EYS: variants seen among roughly 807,000 people sequenced by gnomAD.
EYS encodes the protein EGF-like photoreceptor maintenance factor, also known as protein eyes shut homolog.
In EYS, 250 loss-of-function variants were observed where a neutral mutation model predicts 282.1. The ratio of observed to expected loss-of-function variants is 0.89; its 90% CI spans 0.80 to 0.98. The LOEUF (loss-of-function observed/expected upper bound fraction) is 0.98, where lower values mean the gene tolerates loss of function less well. Among genes scored for constraint, EYS ranks in the 50% least tolerant of loss-of-function variants. EYS has a pLI of 0.00. For synonymous variants in EYS, 1,355 were observed against 1,282.9 expected (o/e 1.06, Z -1.20); for missense variants, 4,016 against 3,709.0 (o/e 1.08, Z -2.15).
At chr6:65,275,655 T>G (rs1768025097) in intron 12 of EYS, among the ~76,000 whole-genome samples, 1 of 152,130 alleles carries the variant, frequency 6.6e-6, no homozygotes, top group Non-Finnish European at 1.5e-5. Flanking sequence ...CATGGGCTGT[T>G]TCTGTAGCCA....
rs145422550 is a variant in EYS at position 63,873,530 on chromosome 6, G to A, written c.7056-9172C>T. Among the ~76,000 whole-genome samples the A allele has an allele frequency of 4.0e-4, 61 of 152,264 alleles. 1 individual carries two copies. In the East Asian group the frequency reaches 8.5e-3, roughly 21 times the overall value. On this transcript the variant is annotated intron_variant, in intron 35 of 42. Coordinates refer to ENST00000503581, the MANE Select transcript of EYS (RefSeq NM_001142800.2). ...TGGATATATGCCCAGTAATGGGATC[G>A]TTGGGTCAAATGGGATTTCTAGTTC... is the stretch of plus-strand genomic sequence containing the variant.
Position 63,790,965 on chromosome 6 carries a change from AC to A in EYS, c.7412-1742del, listed in dbSNP as rs555917072. On this transcript the variant is annotated intron_variant, in intron 37 of 42. Transcript: ENST00000503581. ...GCTCTCCTTCCTCCAGTTATGGAGA[AC>A]CCATTTCATGCCAGGAGCATCATTA... 7.4e-4 allele frequency among the ~76,000 whole-genome samples: 112 copies of A among 152,278 alleles called. 1 individual carries two copies. In the South Asian group the frequency reaches 0.023, roughly 31 times the overall value.
intron 2 of EYS, among the ~76,000 whole-genome samples, chr6:65,572,239 A>G (rs1764503653): frequency 6.6e-6 from 1 of 152,128 alleles, no homozygotes; most frequent in African/African-American, 2.4e-5. Flanking sequence ...ACGGAGATAC[A>G]AATTTATATA....
chr6:64,765,807 C>A (rs1773309272), intron 22 of EYS, among the ~76,000 whole-genome samples: 1 of 152,038 alleles, frequency 6.6e-6, no homozygotes, highest in Non-Finnish European at 1.5e-5. Flanking sequence ...CCCCCATGAT[C>A]CAATCACCTC....
At position 65,274,833 on chromosome 6, in the gene EYS, T is replaced by G. The variant is rs150609377; in HGVS notation, c.2023+21030A>C. On this transcript the variant is annotated intron_variant, in intron 12 of 42. Coordinates refer to ENST00000503581, the MANE Select transcript of EYS (RefSeq NM_001142800.2). ...ACTCAGTAACATTTCTAGGGGTCCA[T>G]AGGTCCTGTCAAGATATCATTTCTG... 4.5e-4 allele frequency among the ~76,000 whole-genome samples: 68 copies of G among 152,042 alleles called. No homozygotes were observed. In the East Asian group the frequency reaches 0.012, roughly 27 times the overall value.
At chr6:64,313,562 A>C (rs1251834454) in intron 29 of EYS, among the ~76,000 whole-genome samples, 1 of 152,132 alleles carries the variant, frequency 6.6e-6, no homozygotes, top group Non-Finnish European at 1.5e-5. Context: ...GAGAAGAGCA[A>C]ACCCAAGACA....
At chr6:65,292,644 AAT>A (rs1366004336) in intron 12 of EYS, among the ~76,000 whole-genome samples, 8 of 151,750 alleles carry the variant, frequency 5.3e-5, no homozygotes, top group African/African-American at 1.9e-4. Context: ...AACCTGAAGG[AAT>A]ATAGTACAAC....
intron 31 of EYS, among the ~76,000 whole-genome samples, chr6:64,101,135 G>A (rs887468574): frequency 6.6e-6 from 1 of 152,038 alleles, no homozygotes; most frequent in African/African-American, 2.4e-5. Context: ...TGGAACTGTG[G>A]AAATGACATT....
At chr6:64,585,769 T>G (rs1766215689) in intron 26 of EYS, among the ~76,000 whole-genome samples, 1 of 152,134 alleles carries the variant, frequency 6.6e-6, no homozygotes, top group South Asian at 2.1e-4. Flanking sequence ...ATTCTCTTAT[T>G]GCCCTTTCTA....
chr6:64,764,670 T>C (rs1482114901), intron 22 of EYS, among the ~76,000 whole-genome samples: 1 of 152,180 alleles, frequency 6.6e-6, no homozygotes, highest in Admixed American at 6.5e-5. Context: ...GGAAATGGGG[T>C]TTTCTTTTCT....
intron 14 of EYS, among the ~76,000 whole-genome samples, chr6:64,997,220 T>C (rs904502071): frequency 1.3e-5 from 2 of 152,148 alleles, no homozygotes; most frequent in Non-Finnish European, 2.9e-5. Flanking sequence ...AATACATGTG[T>C]GAATGTAATA....
intron 2 of EYS, among the ~76,000 whole-genome samples, chr6:65,604,140 T>G (rs991373023): frequency 6.6e-6 from 1 of 151,942 alleles, no homozygotes; most frequent in Non-Finnish European, 1.5e-5. Flanking sequence ...CTTACATAGT[T>G]TGGTTGGAAT....
chr6:64,161,554 T>C (rs1775106751), intron 31 of EYS, among the ~76,000 whole-genome samples: 1 of 152,212 alleles, frequency 6.6e-6, no homozygotes, highest in East Asian at 1.9e-4. Flanking sequence ...GTACCTGAAG[T>C]ATGTTTTATG....
chr6:63,965,523 G>A (rs370263243), intron 35 of EYS, among the ~76,000 whole-genome samples: 21 of 152,246 alleles, frequency 1.4e-4, no homozygotes, highest in East Asian at 7.7e-4. Context: ...AAGCACCCAG[G>A]TATCAAATTG....
intron 5 of EYS, among the ~76,000 whole-genome samples, chr6:65,480,093 A>C (rs1328580547): frequency 1.3e-5 from 2 of 152,162 alleles, no homozygotes; most frequent in East Asian, 1.9e-4. Flanking sequence ...TGAACCCAGG[A>C]GGCACAGGTT....
At chr6:64,844,456 T>G (rs1469919329) in intron 19 of EYS, among the ~76,000 whole-genome samples, 1 of 151,978 alleles carries the variant, frequency 6.6e-6, no homozygotes, top group African/African-American at 2.4e-5. Context: ...CATGAGATAT[T>G]GCTTCCAGAA....
In EYS at chr6:65,295,885, G is replaced by A; in HGVS notation, c.2001C>T (p.Arg667=). ...TSTHLRGYFF[R]KCVPGFKGTQ... ...TGCCTTTAAATCCTGGGACACACTT[G>A]CGGAAGAAATATCCCCTTAAATGTG... The change falls in exon 12 of 43, where the codon CGC becomes CGT. Residue 667 remains arginine, a synonymous_variant. Coordinates refer to ENST00000503581, the MANE Select transcript of EYS (RefSeq NM_001142800.2). The A allele has an allele frequency of 6.5e-7, 1 of 1,547,250 alleles. No homozygotes were observed.
intron 31 of EYS, among the ~76,000 whole-genome samples, chr6:64,102,769 G>A (rs942010707): frequency 1.3e-5 from 2 of 151,944 alleles, no homozygotes; most frequent in African/African-American, 4.8e-5. Context: ...TTGTAAAAGC[G>A]ACATTACCAA....
At chr6:65,184,192 T>A (rs1261478826) in intron 12 of EYS, among the ~76,000 whole-genome samples, 1 of 151,890 alleles carries the variant, frequency 6.6e-6, no homozygotes, top group Non-Finnish European at 1.5e-5. Context: ...ACAGACTAGG[T>A]AATTTATAAG....
Sources: gnomAD v4.1 joint callset for allele counts (sites outside exome capture counted in the v4.1 genomes callset) on GRCh38, gnomAD v4.1.1 for gene constraint, MANE v1.5 for transcripts, NCBI Gene and HGNC (gene_info 2026-07-23, HGNC 2026-07-21) for gene names.